Variants in ATXN3 observed in about 807,000 individuals in gnomAD.
The protein encoded by ATXN3 is ataxin-3.
ATXN3 carries 28 observed loss-of-function variants against 58.2 expected under a neutral mutation model. The ratio of observed to expected loss-of-function variants is 0.48; its 90% CI spans 0.36 to 0.66. The LOEUF (loss-of-function observed/expected upper bound fraction) is 0.66. ATXN3 is among the 30% of genes least tolerant of loss of function. The pLI, the probability that ATXN3 is intolerant of heterozygous loss-of-function variation, is 0.00. For missense variants in ATXN3, 321 were observed against 422.1 expected (o/e 0.76, Z 2.10); for synonymous variants, 113 against 138.5 (o/e 0.82, Z 1.29).
chr14:92,053,492 CTTTTT>C (rs540092730), upstream of ATXN3, among the ~76,000 whole-genome samples: 1 of 134,790 alleles, frequency 7.4e-6, no homozygotes, highest in Non-Finnish European at 1.6e-5. Flanking sequence ...TTCTTTCTTT[CTTTTT>C]TTTTTTTTTA....
At chr14:92,075,473 A>C (rs950644442) in intron 9 of ATXN3, among the ~76,000 whole-genome samples, 6 of 151,994 alleles carry the variant, frequency 3.9e-5, no homozygotes, top group African/African-American at 7.2e-5. Context: ...AGCCAAAACT[A>C]GTTTTTTTAA....
chr14:92,064,278 A>T lies in ATXN3; in HGVS notation c.*42T>A. On this transcript the variant is annotated 3_prime_UTR_variant, in exon 11 of 11. Transcript: ENST00000644486. ...ACCCTATGCTGTAATCACACAGGAT[A>T]ATGTTGGAAAGTATGAATATCTAAA... is the stretch of plus-strand genomic sequence containing the variant. 2.9e-6 allele frequency: 4 copies of T among 1,396,788 alleles called. No individual in the cohort carries two copies. Among genetic ancestry groups the T allele is most frequent in the Non-Finnish European group, 4.0e-6 (4 of 990,900 alleles). 86.5% of individuals were successfully genotyped at this position (1,396,788 alleles called of 1,614,324 possible).
chr14:92,099,401 G>A (rs1381483171), intron 1 of ATXN3, among the ~76,000 whole-genome samples: 1 of 152,196 alleles, frequency 6.6e-6, no homozygotes, highest in Non-Finnish European at 1.5e-5. Context: ...CTTTTCGTAA[G>A]GAATAAGTAG....
chr14:92,095,988 G>T, intron 3 of ATXN3, 105 bp downstream of exon 3: 1 of 941,734 alleles, frequency 1.1e-6, no homozygotes, highest in Non-Finnish European at 1.8e-6. Flanking sequence ...ATACTCTGTA[G>T]ACAGAAGAAC....
At chr14:92,065,738 G>A (rs577120028) in intron 10 of ATXN3, among the ~76,000 whole-genome samples, 3 of 152,058 alleles carry the variant, frequency 2.0e-5, no homozygotes, top group Non-Finnish European at 4.4e-5. Context: ...AAAATTAGCC[G>A]GGCATGGTGG....
chr14:92,078,555 G>C (rs1232566709), intron 9 of ATXN3, among the ~76,000 whole-genome samples: 1 of 150,944 alleles, frequency 6.6e-6, no homozygotes, highest in Non-Finnish European at 1.5e-5. Context: ...TAGAGATGGG[G>C]TTTCTCCATG....
intron 1 of ATXN3, among the ~76,000 whole-genome samples, chr14:92,106,171 T>C (rs555109144): frequency 6.6e-6 from 1 of 152,040 alleles, no homozygotes; most frequent in Non-Finnish European, 1.5e-5. Context: ...AGCTAGACCC[T>C]AGGGAGAGGG....
intron 1 of ATXN3, among the ~76,000 whole-genome samples, chr14:92,104,912 A>C (rs887946092): frequency 7.7e-6 from 1 of 129,760 alleles, no homozygotes; most frequent in Non-Finnish European, 1.6e-5. Flanking sequence ...ACAAGAGCCA[A>C]ACTCCATCTC....
intron 10 of ATXN3, among the ~76,000 whole-genome samples, chr14:92,066,265 C>T (rs1411856547): frequency 1.3e-5 from 2 of 152,076 alleles, no homozygotes; most frequent in Non-Finnish European, 2.9e-5. Flanking sequence ...TATCCTTTGA[C>T]CCTCCTTCAT....
chr14:92,106,252 C>T (rs1366080736), intron 1 of ATXN3, among the ~76,000 whole-genome samples: 4 of 152,240 alleles, frequency 2.6e-5, no homozygotes, highest in Admixed American at 2.0e-4. Flanking sequence ...AGAAGCAAAC[C>T]CACTGGGCGC....
chr14:92,072,884 A>G (rs1039808378), intron 9 of ATXN3, among the ~76,000 whole-genome samples: 1 of 152,212 alleles, frequency 6.6e-6, no homozygotes, highest in East Asian at 1.9e-4. Context: ...TGTGAACAAT[A>G]AAGAAAGTTC....
chr14:92,066,657 G>A (rs538613356), intron 10 of ATXN3, among the ~76,000 whole-genome samples: 18 of 145,878 alleles, frequency 1.2e-4, no homozygotes, highest in Admixed American at 4.2e-4. Context: ...ACCCAGGCTG[G>A]AGTACAGTGG....
chr14:92,071,095 T>TA (rs1447667793), intron 9 of ATXN3, 42 bp from the exon 10 acceptor site: 4 of 1,454,070 alleles, frequency 2.8e-6, no homozygotes, highest in African/African-American at 3.1e-5. Context: ...AAACAAAACT[T>TA]AAAAGAATAA....
At chr14:92,101,872 A>T (rs1274195131) in intron 1 of ATXN3, among the ~76,000 whole-genome samples, 10 of 147,470 alleles carry the variant, frequency 6.8e-5, no homozygotes, top group Admixed American at 2.7e-4. Flanking sequence ...AATAAAAAAT[A>T]GGCTGGGCGT....
rs2057546991 is a variant in ATXN3, at chr14:92,058,857, A to G, written c.*5463T>C. On this transcript the variant is annotated 3_prime_UTR_variant, in exon 11 of 11. Coordinates refer to ENST00000644486, the MANE Select transcript of ATXN3 (RefSeq NM_004993.6). ...GTACTTGAATTTCAAATATTTATAC[A>G]GAACAGTAATTTTTAAAAAGTTATT... 6.6e-6 allele frequency: 1 copy of G among 152,208 alleles called. No individual in the cohort carries two copies. Among genetic ancestry groups the G allele is most frequent in the South Asian group, 2.1e-4 (1 of 4,834 alleles). The allele number at this position is 152,208 out of a possible 1,614,324, so 9.4% of individuals were successfully genotyped here.
intron 6 of ATXN3, 72 bp from the exon 7 acceptor site, chr14:92,083,330 G>T: frequency 7.1e-7 from 1 of 1,415,132 alleles, no homozygotes; most frequent in Non-Finnish European, 9.6e-7. Context: ...AACACTAGTA[G>T]ATAAAAAGGC....
intron 1 of ATXN3, among the ~76,000 whole-genome samples, chr14:92,098,780 C>T (rs2066007638): frequency 6.6e-6 from 1 of 152,136 alleles, no homozygotes; most frequent in African/African-American, 2.4e-5. Context: ...CTGTCCCAAA[C>T]AACCCTGGAG....
At chr14:92,087,086 G>A (rs1168074123) in intron 6 of ATXN3, among the ~76,000 whole-genome samples, 1 of 152,208 alleles carries the variant, frequency 6.6e-6, no homozygotes, top group Non-Finnish European at 1.5e-5. Flanking sequence ...GTGTGTAAGG[G>A]AGAGGAAAGT....
At chr14:92,076,561 ACTTTT>A (rs1420150571) in intron 9 of ATXN3, among the ~76,000 whole-genome samples, 2 of 151,854 alleles carry the variant, frequency 1.3e-5, no homozygotes, top group Admixed American at 1.3e-4. Context: ...CTTTAAATAT[ACTTTT>A]CTTTTCTTAG....
Sources: gnomAD v4.1 joint callset for allele counts (sites outside exome capture counted in the v4.1 genomes callset) on GRCh38, gnomAD v4.1.1 for gene constraint, MANE v1.5 for transcripts, NCBI Gene and HGNC (gene_info 2026-07-23, HGNC 2026-07-21) for gene names.